RAB27B: variants seen among roughly 807,000 people sequenced by gnomAD.
RAB27B encodes the protein RAB27B, member RAS oncogene family, also known as ras-related protein Rab-27B.
Under a neutral mutation model 24.6 loss-of-function variants are expected in RAB27B, and 15 were observed. The observed-to-expected ratio is 0.61, with a 90% CI of 0.41 to 0.94. RAB27B has a LOEUF of 0.94. Ranked by LOEUF, RAB27B falls within the 40% of genes least tolerant of loss-of-function variation. RAB27B has a pLI of 0.00. For missense variants in RAB27B, 261 were observed against 266.8 expected (o/e 0.98, Z 0.15); for synonymous variants, 105 against 92.5 (o/e 1.14, Z -0.78).
chr18:54,789,540 A>G (rs1909187129), intron 2 of RAB27B, among the ~76,000 whole-genome samples: 2 of 152,126 alleles, frequency 1.3e-5, no homozygotes, highest in Admixed American at 6.5e-5. Flanking sequence ...TGAATATATT[A>G]TTATCCAAAT....
chr18:54,817,973 T>C (rs1910171071), intron 2 of RAB27B, among the ~76,000 whole-genome samples: 2 of 152,114 alleles, frequency 1.3e-5, no homozygotes, highest in Non-Finnish European at 2.9e-5. Context: ...ATGAGGTGGA[T>C]TTGAGACTCC....
At chr18:54,842,419 GA>G (rs1162090329) in intron 1 of RAB27B, among the ~76,000 whole-genome samples, 3 of 152,240 alleles carry the variant, frequency 2.0e-5, no homozygotes, top group African/African-American at 7.2e-5. Flanking sequence ...CTATTTTTCA[GA>G]AAAGATTTCT....
At chr18:54,851,260 T>C (rs1434912128) in intron 1 of RAB27B, among the ~76,000 whole-genome samples, 4 of 152,174 alleles carry the variant, frequency 2.6e-5, no homozygotes, top group Non-Finnish European at 5.9e-5. Flanking sequence ...CTGTTAGAAA[T>C]TGCTTATTTT....
chr18:54,857,678 G>A (rs1327514709), intron 1 of RAB27B, among the ~76,000 whole-genome samples: 1 of 152,192 alleles, frequency 6.6e-6, no homozygotes, highest in Non-Finnish European at 1.5e-5. Context: ...GTATGCTCAC[G>A]TGTTCATGTG....
chr18:54,851,361 A>G (rs1911579952), intron 1 of RAB27B, among the ~76,000 whole-genome samples: 1 of 152,292 alleles, frequency 6.6e-6, no homozygotes, highest in East Asian at 1.9e-4. Flanking sequence ...GTAGAAACAT[A>G]TTTTTCCTCC....
chr18:54,841,489 T>C (rs1484782523), intron 1 of RAB27B, among the ~76,000 whole-genome samples: 1 of 152,166 alleles, frequency 6.6e-6, no homozygotes, highest in Non-Finnish European at 1.5e-5. Flanking sequence ...CTCGAACCAA[T>C]CCCCGATGAA....
In RAB27B at chr18:54,804,900, CTCTCTCTT is replaced by C. The variant is rs1270207769; in HGVS notation, c.-19-72663_-19-72656del. Among the ~76,000 whole-genome samples, 17 of 102,700 alleles carry C rather than the reference CTCTCTCTT, an allele frequency of 1.7e-4. 1 individual carries two copies. The highest frequency in any genetic ancestry group is 9.7e-4 in the African/African-American group (17 of 17,598). 67.4% of individuals were successfully genotyped at this position (102,700 alleles called of 152,430 possible). A position where few individuals can be genotyped will look rare whatever the true frequency, so the allele number is the denominator to read the frequency against. On this transcript the variant is annotated intron_variant, in intron 2 of 4. Transcript: ENST00000586570. Reference sequence around the variant, plus strand: ...TTTTTCTTTCTTTCTTTCTCTTTCTCTCTCTCTTTCTTTCTTTCTTTCTTTCTTTCTTT... The same window carrying C: ...TTTTTCTTTCTTTCTTTCTCTTTCTCTCTTTCTTTCTTTCTTTCTTTCTTT...
intron 2 of RAB27B, among the ~76,000 whole-genome samples, chr18:54,819,238 TATA>T (rs1334438221): frequency 1.4e-5 from 2 of 147,964 alleles, no homozygotes; most frequent in African/African-American, 2.4e-5. Context: ...AATTATAAAA[TATA>T]ATACATAAAT....
chr18:54,831,030 C>T lies in RAB27B; in HGVS notation c.-20+2330C>T, dbSNP rs544822745. ...ACAGAAGTGGACCAAAATTCCTGACCTTGTAGAGCTTATCTTTTACCAGGG... is the reference window on the plus strand; with the variant it reads ...ACAGAAGTGGACCAAAATTCCTGACTTTGTAGAGCTTATCTTTTACCAGGG... On this transcript the variant is annotated intron_variant, in intron 1 of 5. Coordinates refer to ENST00000262094, the MANE Select transcript of RAB27B (RefSeq NM_004163.4). 2.8e-4 allele frequency among the ~76,000 whole-genome samples: 43 copies of T among 152,224 alleles called. No individual in the cohort carries two copies. The South Asian group carries it at 8.5e-3, about 30-fold the overall frequency.
chr18:54,867,389 G>C (rs1290434483), intron 1 of RAB27B, among the ~76,000 whole-genome samples: 8 of 151,376 alleles, frequency 5.3e-5, no homozygotes, highest in Admixed American at 5.3e-4. Context: ...TGCAATCGTA[G>C]GAGCTGGCTG....
intron 2 of RAB27B, among the ~76,000 whole-genome samples, chr18:54,807,195 G>A (rs1423179536): frequency 3.9e-5 from 6 of 152,184 alleles, no homozygotes; most frequent in Non-Finnish European, 7.3e-5. Flanking sequence ...CACCGCGCCC[G>A]GCCTAAGCTA....
chr18:54,865,052 AG>A, intron 1 of RAB27B, among the ~76,000 whole-genome samples: 1 of 152,350 alleles, frequency 6.6e-6, no homozygotes, highest in Non-Finnish European at 1.5e-5. Context: ...TAATAGACTC[AG>A]ATGATAATAG....
intron 2 of RAB27B, among the ~76,000 whole-genome samples, chr18:54,807,375 C>A (rs998358457): frequency 6.6e-6 from 1 of 152,144 alleles, no homozygotes; most frequent in Non-Finnish European, 1.5e-5. Context: ...ATAAACCTTT[C>A]CTTGAGGGTT....
At chr18:54,743,084 T>A (rs1910118297) in intron 2 of RAB27B, among the ~76,000 whole-genome samples, 1 of 152,192 alleles carries the variant, frequency 6.6e-6, no homozygotes, top group African/African-American at 2.4e-5. Flanking sequence ...TCTCAAGCAT[T>A]CTTGGACACC....
intron 1 of RAB27B, among the ~76,000 whole-genome samples, chr18:54,873,108 T>TTTTTTTTTTTTTTTTTTTTTTGAGACGG: frequency 6.6e-6 from 1 of 152,234 alleles, no homozygotes; most frequent in African/African-American, 2.4e-5. Flanking sequence ...ACTTTGTTTC[T>TTTTTTTTTTTTTTTTTTTTTTGAGACGG]AACACAATTT....
intron 4 of RAB27B, chr18:54,885,962 G>A (rs565228475): frequency 6.6e-6 from 1 of 152,528 alleles, no homozygotes; most frequent in South Asian, 2.1e-4. Flanking sequence ...CAGACCTCAT[G>A]AGAACTCACT....
At chr18:54,778,886 G>A (rs935772609) in intron 2 of RAB27B, among the ~76,000 whole-genome samples, 1 of 151,268 alleles carries the variant, frequency 6.6e-6, no homozygotes, top group Admixed American at 6.6e-5. Context: ...CTGTCACCAG[G>A]CTGGAGCACA....
intron 1 of RAB27B, among the ~76,000 whole-genome samples, chr18:54,873,761 TGAGA>T (rs550255618): frequency 4.0e-5 from 5 of 126,330 alleles, no homozygotes; most frequent in African/African-American, 1.5e-4. Flanking sequence ...ATAGACAGAG[TGAGA>T]GAGAGAGGAG....
At chr18:54,819,600 T>A (rs2145163730) in intron 2 of RAB27B, among the ~76,000 whole-genome samples, 1 of 149,904 alleles carries the variant, frequency 6.7e-6, no homozygotes, top group African/African-American at 2.5e-5. Context: ...TTATTTATTT[T>A]TTATTTATTT....
Sources: allele counts gnomAD v4.1 joint callset (sites outside exome capture counted in the v4.1 genomes callset), GRCh38; gene constraint gnomAD v4.1.1; transcripts MANE v1.5; gene names NCBI Gene and HGNC (gene_info 2026-07-23, HGNC 2026-07-21).